Variants in SPMIP11 observed in about 807,000 individuals in gnomAD.
SPMIP11 encodes long intergenic non-protein coding RNA 935.
the SPMIP11 span, chr12:48,770,698 A>G: frequency 6.6e-7 from 1 of 1,513,388 alleles, no homozygotes; most frequent in Non-Finnish European, 9.1e-7. Flanking sequence ...TCCCATCCCC[A>G]GCCTATAATC....
chr12:48,749,036 TGG>T, the SPMIP11 span, among the ~76,000 whole-genome samples: 1 of 151,908 alleles, frequency 6.6e-6, no homozygotes, highest in African/African-American at 2.4e-5. Flanking sequence ...CCAAGGCGGG[TGG>T]ATCACTTGAG....
At chr12:48,769,157 A>T in the SPMIP11 span, 1,763 of 1,314,948 alleles carry the variant, frequency 1.3e-3, 25 homozygotes, top group African/African-American at 0.024. Context: ...ACCCAGAGAA[A>T]AAAATGGAAA....
chr12:48,729,574 G>A, the SPMIP11 span, among the ~76,000 whole-genome samples: 1 of 151,656 alleles, frequency 6.6e-6, no homozygotes, highest in Non-Finnish European at 1.5e-5. Flanking sequence ...GCTGGGCATG[G>A]CGGTGCATGC....
At chr12:48,767,787 T>C in the SPMIP11 span, 1 of 153,040 alleles carries the variant, frequency 6.5e-6, no homozygotes, top group African/African-American at 2.4e-5. Flanking sequence ...GCCGGCCTGC[T>C]CTTTGGCACC....
chr12:48,732,345 T>A, the SPMIP11 span, among the ~76,000 whole-genome samples: 2 of 152,144 alleles, frequency 1.3e-5, no homozygotes, highest in Admixed American at 6.6e-5. Context: ...GAACTAAATA[T>A]GACCAATTTG....
At chr12:48,742,443 G>A in the SPMIP11 span, among the ~76,000 whole-genome samples, 1 of 150,960 alleles carries the variant, frequency 6.6e-6, no homozygotes, top group Non-Finnish European at 1.5e-5. Flanking sequence ...CACCACACCC[G>A]GCTAATTTTT....
chr12:48,751,433 G>A, the SPMIP11 span, among the ~76,000 whole-genome samples: 1 of 151,832 alleles, frequency 6.6e-6, no homozygotes, highest in African/African-American at 2.4e-5. Flanking sequence ...GGGCAATACA[G>A]TGGGACCCTG....
the SPMIP11 span, among the ~76,000 whole-genome samples, chr12:48,761,802 C>T: frequency 7.1e-6 from 1 of 140,142 alleles, no homozygotes; most frequent in African/African-American, 2.7e-5. Context: ...TAGCTCACTA[C>T]AGTCTCAAAT....
At chr12:48,768,684 G>A in the SPMIP11 span, 9 of 1,614,168 alleles carry the variant, frequency 5.6e-6, no homozygotes, top group South Asian at 7.7e-5. Flanking sequence ...GGTAGCCCTT[G>A]GCAGCTAGAA....
the SPMIP11 span, among the ~76,000 whole-genome samples, chr12:48,769,332 G>T: frequency 1.4e-5 from 2 of 144,706 alleles, no homozygotes; most frequent in African/African-American, 5.1e-5. Flanking sequence ...AGAATAGATT[G>T]ATTGAGCCTG....
At chr12:48,762,739 G>C in the SPMIP11 span, among the ~76,000 whole-genome samples, 3 of 152,094 alleles carry the variant, frequency 2.0e-5, no homozygotes, top group East Asian at 1.9e-4. Context: ...GCGGGGCAGT[G>C]GGGGAGGGTG....
At chr12:48,757,653 TA>T in the SPMIP11 span, among the ~76,000 whole-genome samples, 2,592 of 31,626 alleles carry the variant, frequency 0.082, 36 homozygotes, top group Non-Finnish European at 0.12. Context: ...CTCAAAAAAA[TA>T]AAAATAAAAA....
At chr12:48,761,218 G>A in the SPMIP11 span, among the ~76,000 whole-genome samples, 9 of 151,974 alleles carry the variant, frequency 5.9e-5, no homozygotes, top group Middle Eastern at 3.4e-3. Flanking sequence ...AAGACGAGGC[G>A]GGCGGATCAC....
chr12:48,770,722 G>C, the SPMIP11 span: 13 of 1,590,038 alleles, frequency 8.2e-6, no homozygotes, highest in African/African-American at 1.3e-4. Flanking sequence ...GCTTCACCTG[G>C]AAAAAGTCCT....
chr12:48,749,635 CAAAAAAAAAAAAAAAAA>C, the SPMIP11 span, among the ~76,000 whole-genome samples: 2 of 56,530 alleles, frequency 3.5e-5, no homozygotes, highest in African/African-American at 1.6e-4. Flanking sequence ...AACTCGGTGT[CAAAAAAAAAAAAAAAAA>C]AAAAAAAAAG....
chr12:48,753,917 G>A, the SPMIP11 span, among the ~76,000 whole-genome samples: 1 of 151,794 alleles, frequency 6.6e-6, no homozygotes, highest in Non-Finnish European at 1.5e-5. Context: ...TGGCCAGGCT[G>A]GTCTGGAACT....
At chr12:48,765,792 T>G in the SPMIP11 span, 2 of 647,096 alleles carry the variant, frequency 3.1e-6, no homozygotes, top group African/African-American at 3.6e-5. Flanking sequence ...GGACTAAAAG[T>G]TGCTTGTGTG....
At chr12:48,733,445 A>T in the SPMIP11 span, among the ~76,000 whole-genome samples, 2 of 152,274 alleles carry the variant, frequency 1.3e-5, no homozygotes, top group East Asian at 3.9e-4. Context: ...TTTGTCTTCC[A>T]AGGTTTCCAT....
At chr12:48,755,061 A>C in the SPMIP11 span, among the ~76,000 whole-genome samples, 1 of 152,342 alleles carries the variant, frequency 6.6e-6, no homozygotes, top group Admixed American at 6.5e-5. Context: ...CCCCAGTTGC[A>C]ACAAACAGAG....
Sources: allele counts gnomAD v4.1 joint callset (sites outside exome capture counted in the v4.1 genomes callset), GRCh38; gene constraint gnomAD v4.1.1; transcripts MANE v1.5; gene names NCBI Gene and HGNC (gene_info 2026-07-23, HGNC 2026-07-21).